Variants in POU2AF2 observed in about 807,000 individuals in gnomAD.
The protein encoded by POU2AF2 is POU class 2 homeobox associating factor 2, also known as POU domain class 2-associating factor 2.
chr11:111,277,319 T>A, the POU2AF2 span, among the ~76,000 whole-genome samples: 2 of 152,164 alleles, frequency 1.3e-5, no homozygotes, highest in African/African-American at 4.8e-5. Context: ...AATTGTGAAA[T>A]CTTTGTAGAG....
At chr11:111,247,510 G>A in the POU2AF2 span, among the ~76,000 whole-genome samples, 6 of 152,116 alleles carry the variant, frequency 3.9e-5, no homozygotes, top group Non-Finnish European at 2.9e-5. Context: ...TAAATAGGCC[G>A]AGCGTGGTGG....
chr11:111,277,733 A>T, the POU2AF2 span, among the ~76,000 whole-genome samples: 3 of 152,136 alleles, frequency 2.0e-5, no homozygotes, highest in Non-Finnish European at 4.4e-5. Flanking sequence ...AAGGTGGGAG[A>T]AGAACAATGG....
the POU2AF2 span, among the ~76,000 whole-genome samples, chr11:111,281,910 A>G: frequency 6.6e-6 from 1 of 152,164 alleles, no homozygotes; most frequent in Admixed American, 6.5e-5. Flanking sequence ...ATAAACACAC[A>G]CCACACAGGC....
At chr11:111,277,421 T>C in the POU2AF2 span, among the ~76,000 whole-genome samples, 1 of 152,176 alleles carries the variant, frequency 6.6e-6, no homozygotes, top group Non-Finnish European at 1.5e-5. Flanking sequence ...GGAGGCATCG[T>C]AGAAGATGCT....
chr11:111,278,464 C>T, the POU2AF2 span, among the ~76,000 whole-genome samples: 4 of 152,134 alleles, frequency 2.6e-5, no homozygotes, highest in Admixed American at 6.5e-5. Context: ...GAGAAGGGGC[C>T]TTTGGGAGGT....
the POU2AF2 span, among the ~76,000 whole-genome samples, chr11:111,264,491 C>CAAAAGAAAGAAAGAAA: frequency 2.1e-4 from 18 of 86,058 alleles, no homozygotes; most frequent in African/African-American, 7.8e-4. Flanking sequence ...GCAAGACTCA[C>CAAAAGAAAGAAAGAAA]GAAAGAAAGA....
At chr11:111,270,693 G>A in the POU2AF2 span, among the ~76,000 whole-genome samples, 1 of 152,172 alleles carries the variant, frequency 6.6e-6, no homozygotes, top group East Asian at 1.9e-4. Flanking sequence ...TCTCATACAG[G>A]TATCAGCAGT....
At chr11:111,261,153 G>C in the POU2AF2 span, among the ~76,000 whole-genome samples, 1 of 151,796 alleles carries the variant, frequency 6.6e-6, no homozygotes, top group African/African-American at 2.4e-5. Context: ...TTTAAATAAT[G>C]GTTTTTCTTT....
At chr11:111,265,101 A>G in the POU2AF2 span, among the ~76,000 whole-genome samples, 3 of 152,044 alleles carry the variant, frequency 2.0e-5, no homozygotes, top group Admixed American at 1.3e-4. Flanking sequence ...AACACACGAA[A>G]GGGGCAAAGG....
At chr11:111,281,446 T>G in the POU2AF2 span, 1 of 1,613,564 alleles carries the variant, frequency 6.2e-7, no homozygotes, top group Admixed American at 1.7e-5. Context: ...GCCAGGTGAG[T>G]ACTTTAATTC....
the POU2AF2 span, among the ~76,000 whole-genome samples, chr11:111,267,464 C>T: frequency 1.3e-5 from 2 of 152,196 alleles, no homozygotes; most frequent in Non-Finnish European, 2.9e-5. Context: ...TGACCCATTT[C>T]TCTCTGAGCT....
the POU2AF2 span, among the ~76,000 whole-genome samples, chr11:111,268,453 A>T: frequency 2.1e-5 from 3 of 144,294 alleles, no homozygotes; most frequent in African/African-American, 7.5e-5. Flanking sequence ...TGTGTGTTTT[A>T]TTGGTTATTG....
chr11:111,274,732 A>G, the POU2AF2 span, among the ~76,000 whole-genome samples: 1 of 151,658 alleles, frequency 6.6e-6, no homozygotes, highest in Non-Finnish European at 1.5e-5. Context: ...AGTCTCCATT[A>G]TACTAAATTT....
chr11:111,261,046 CAA>C, the POU2AF2 span, among the ~76,000 whole-genome samples: 1 of 152,326 alleles, frequency 6.6e-6, no homozygotes, highest in Non-Finnish European at 1.5e-5. Context: ...TCCCTTGCAT[CAA>C]AAGAGACTTT....
chr11:111,263,072 T>C, the POU2AF2 span, among the ~76,000 whole-genome samples: 1 of 152,198 alleles, frequency 6.6e-6, no homozygotes, highest in South Asian at 2.1e-4. Context: ...TTAACAAAAA[T>C]CCCTAACACA....
At chr11:111,266,840 T>C in the POU2AF2 span, among the ~76,000 whole-genome samples, 2 of 152,194 alleles carry the variant, frequency 1.3e-5, no homozygotes, top group African/African-American at 4.8e-5. Flanking sequence ...GATTTGGAAC[T>C]AGGTTTGTGG....
the POU2AF2 span, among the ~76,000 whole-genome samples, chr11:111,258,165 C>G: frequency 1.3e-5 from 2 of 152,102 alleles, no homozygotes; most frequent in Non-Finnish European, 2.9e-5. Context: ...CAAATCTAGT[C>G]TCTTGAGAGA....
the POU2AF2 span, among the ~76,000 whole-genome samples, chr11:111,263,236 G>T: frequency 6.6e-6 from 1 of 151,680 alleles, no homozygotes; most frequent in South Asian, 2.1e-4. Flanking sequence ...ATTTATCTTT[G>T]TTATTTTCAT....
chr11:111,278,802 A>T, the POU2AF2 span, among the ~76,000 whole-genome samples: 1 of 152,236 alleles, frequency 6.6e-6, no homozygotes, highest in Non-Finnish European at 1.5e-5. Flanking sequence ...TTATTCTATA[A>T]AGACCAAAGG....
Sources: allele counts gnomAD v4.1 joint callset (sites outside exome capture counted in the v4.1 genomes callset), GRCh38; gene constraint gnomAD v4.1.1; transcripts MANE v1.5; gene names NCBI Gene and HGNC (gene_info 2026-07-23, HGNC 2026-07-21).